Variants in STARD13 observed in about 807,000 individuals in gnomAD.
The protein encoded by STARD13 is StAR related lipid transfer domain containing 13.
STARD13 carries 62 observed loss-of-function variants against 106.4 expected under a neutral mutation model. The observed-to-expected ratio is 0.58, with a 90% confidence interval of 0.48 to 0.72. STARD13 has a LOEUF of 0.72. Among genes scored for constraint, STARD13 ranks in the 30% least tolerant of loss-of-function variants. STARD13 has a pLI of 0.00. For synonymous variants in STARD13, 565 were observed against 553.0 expected (o/e 1.02, Z -0.31); for missense variants, 1,387 against 1,424.0 (o/e 0.97, Z 0.42).
chr13:33,249,562 T>A (rs748647177), intron 1 of STARD13, among the ~76,000 whole-genome samples: 2 of 152,196 alleles, frequency 1.3e-5, no homozygotes, highest in Non-Finnish European at 2.9e-5. Flanking sequence ...TTATTTCTAA[T>A]CCCTGCAACA....
chr13:33,666,653 C>T, the STARD13 span, among the ~76,000 whole-genome samples: 4,680 of 152,032 alleles, frequency 0.031, 90 homozygotes, highest in Non-Finnish European at 0.048. Flanking sequence ...TGCAGTGGCG[C>T]GATCTCGACT....
the STARD13 span, among the ~76,000 whole-genome samples, chr13:33,442,224 C>T: frequency 2.0e-5 from 3 of 152,176 alleles, no homozygotes; most frequent in South Asian, 2.1e-4. Flanking sequence ...AAAATTCTCA[C>T]TTACGAACTA....
At chr13:33,278,359 C>A (rs1258318411) in intron 1 of STARD13, 1 of 152,162 alleles carries the variant, frequency 6.6e-6, no homozygotes, top group African/African-American at 2.4e-5. Flanking sequence ...TGTGGATAAT[C>A]TCCATGCTAT....
intron 12 of STARD13, 45 bp downstream of exon 12, chr13:33,109,828 C>T: frequency 5.0e-6 from 8 of 1,593,504 alleles, no homozygotes; most frequent in Non-Finnish European, 6.9e-6. Flanking sequence ...CAGTTCGCGT[C>T]CTGCCTTTGG....
chr13:33,446,716 CA>C, the STARD13 span, among the ~76,000 whole-genome samples: 2 of 152,102 alleles, frequency 1.3e-5, no homozygotes, highest in Non-Finnish European at 2.9e-5. Flanking sequence ...AGGAGTAATA[CA>C]GAATTTTAGA....
chr13:33,304,203 T>C (rs750326110), intron 1 of STARD13, among the ~76,000 whole-genome samples: 2 of 152,244 alleles, frequency 1.3e-5, no homozygotes, highest in Non-Finnish European at 2.9e-5. Context: ...GATGTCTACA[T>C]GGTTAGCAAA....
intron 1 of STARD13, chr13:33,205,993 C>T: frequency 1.0e-6 from 1 of 985,402 alleles, no homozygotes; most frequent in Non-Finnish European, 1.2e-6. Flanking sequence ...CTGTGCTTGG[C>T]TGTTGTCTGT....
chr13:33,338,368 T>C (rs1365529197), intron 1 of STARD13, among the ~76,000 whole-genome samples: 1 of 152,168 alleles, frequency 6.6e-6, no homozygotes, highest in Non-Finnish European at 1.5e-5. Flanking sequence ...TTTAATTAGG[T>C]CTCCATCAAA....
chr13:33,407,092 A>T, the STARD13 span, among the ~76,000 whole-genome samples: 2 of 152,222 alleles, frequency 1.3e-5, no homozygotes, highest in African/African-American at 4.8e-5. Context: ...TGGGTTCTCA[A>T]TGTAAAAGTT....
Position 33,104,501 on chromosome 13 carries a change from C to CT in STARD13, c.*1091_*1092insA, listed in dbSNP as rs1222537212. ...TCCTACACATAACAAAATATGAATT[C>CT]CCTGAAGCTGTAACGATCTAGGATT... is the stretch of plus-strand genomic sequence containing the variant. On this transcript the variant is annotated 3_prime_UTR_variant, in exon 14 of 14. Transcript: ENST00000336934. 1 of 152,544 alleles carries CT rather than the reference C, an allele frequency of 6.6e-6. No homozygotes were observed. The highest frequency in any genetic ancestry group is 1.5e-5 in the Non-Finnish European group (1 of 68,024). 9.4% of individuals were successfully genotyped at this position (152,544 alleles called of 1,614,324 possible).
the STARD13 span, among the ~76,000 whole-genome samples, chr13:33,462,611 G>A: frequency 6.6e-6 from 1 of 152,222 alleles, no homozygotes; most frequent in African/African-American, 2.4e-5. Context: ...AAGCCTGAAA[G>A]CCCCTGGTAA....
chr13:33,567,238 C>T, the STARD13 span, among the ~76,000 whole-genome samples: 2 of 148,418 alleles, frequency 1.3e-5, 1 homozygote, highest in Non-Finnish European at 3.0e-5. Flanking sequence ...ATAGAAATAA[C>T]AAACAAGAAA....
chr13:33,314,855 G>A (rs1893269095), intron 1 of STARD13, among the ~76,000 whole-genome samples: 1 of 152,202 alleles, frequency 6.6e-6, no homozygotes, highest in South Asian at 2.1e-4. Flanking sequence ...AAGACTGGAA[G>A]TGATGTATTT....
chr13:33,227,977 G>A (rs1888709322), intron 1 of STARD13, among the ~76,000 whole-genome samples: 1 of 152,194 alleles, frequency 6.6e-6, no homozygotes, highest in African/African-American at 2.4e-5. Flanking sequence ...TTGAATGTGC[G>A]ATCGTAAAAC....
chr13:33,130,344 C>T lies in STARD13; in HGVS notation c.388-55G>A. 6.5e-7 allele frequency: 1 copy of T among 1,547,398 alleles called. No individual in the cohort carries two copies. The highest frequency in any genetic ancestry group is 8.7e-7 in the Non-Finnish European group (1 of 1,148,886). Reference sequence around the variant, plus strand: ...GCAGACAGCGTGGCTGAAGCAGGAACTCTGGGTGCTCTGAGGGCAGCCCTG... The same window carrying T: ...GCAGACAGCGTGGCTGAAGCAGGAATTCTGGGTGCTCTGAGGGCAGCCCTG... On this transcript the variant is annotated intron_variant, in intron 4 of 13. Transcript: ENST00000336934. This position sits in a 1 kb window ranked among gnomAD's most constrained non-coding sequence, Gnocchi z 4.1.
intron 1 of STARD13, among the ~76,000 whole-genome samples, chr13:33,342,283 G>T (rs1415634560): frequency 6.6e-6 from 1 of 152,122 alleles, no homozygotes; most frequent in Non-Finnish European, 1.5e-5. Flanking sequence ...CTGGGTATCA[G>T]GACACTGGCC....
chr13:33,317,064 T>C (rs1893368140), intron 1 of STARD13, among the ~76,000 whole-genome samples: 1 of 152,188 alleles, frequency 6.6e-6, no homozygotes, highest in South Asian at 2.1e-4. Flanking sequence ...TGCTGACCTC[T>C]GAGGTGGTGG....
the STARD13 span, among the ~76,000 whole-genome samples, chr13:33,540,438 T>C: frequency 5.9e-5 from 9 of 152,220 alleles, no homozygotes; most frequent in African/African-American, 1.9e-4. Flanking sequence ...AGTTGATAAC[T>C]GTGATAGTGG....
At chr13:33,576,108 T>C in the STARD13 span, among the ~76,000 whole-genome samples, 2 of 152,218 alleles carry the variant, frequency 1.3e-5, no homozygotes, top group Non-Finnish European at 2.9e-5. Flanking sequence ...TAACTCTTTG[T>C]TGAATGAATT....
Sources: allele counts gnomAD v4.1 joint callset (sites outside exome capture counted in the v4.1 genomes callset), GRCh38; gene constraint gnomAD v4.1.1; non-coding constraint Gnocchi (gnomAD v3.1); transcripts MANE v1.5; gene names NCBI Gene and HGNC (gene_info 2026-07-23, HGNC 2026-07-21).